The following NRG1 variants were observed in gnomAD, a reference collection of about 807,000 sequenced individuals.
NRG1 encodes pro-neuregulin-1, membrane-bound isoform.
In NRG1, 18 loss-of-function variants were observed where a neutral mutation model predicts 63.8. The observed-to-expected ratio is 0.28, with a 90% CI of 0.19 to 0.42. The LOEUF is 0.42. Ranked by LOEUF, NRG1 falls within the 10% of genes least tolerant of loss-of-function variation. The probability of loss-of-function intolerance (pLI) is 1.00; values close to 1 mark genes in which losing one functional copy is unlikely to be tolerated. For missense variants in NRG1, 762 were observed against 814.7 expected, an observed-to-expected ratio of 0.94 and a Z score of 0.79; for synonymous variants, 302 against 301.3, an observed-to-expected ratio of 1.00 and a Z score of -0.02.
At chr8:32,222,362 G>A (rs1298107629) in intron 1 of NRG1, among the ~76,000 whole-genome samples, 1 of 151,990 alleles carries the variant, frequency 6.6e-6, no homozygotes, top group Non-Finnish European at 1.5e-5. Context: ...ATGACACCAG[G>A]AAGAGTTATT....
At chr8:31,803,688 G>C (rs1009405780) in intron 1 of NRG1, among the ~76,000 whole-genome samples, 1 of 152,140 alleles carries the variant, frequency 6.6e-6, no homozygotes, top group African/African-American at 2.4e-5. Flanking sequence ...AGTATAATTT[G>C]ATCATTATTC....
At chr8:32,180,235 C>G (rs1356658062) in intron 1 of NRG1, among the ~76,000 whole-genome samples, 2 of 152,096 alleles carry the variant, frequency 1.3e-5, no homozygotes, top group African/African-American at 4.8e-5. Context: ...ATTCTCTACG[C>G]TTTGGCAGAC....
intron 1 of NRG1, among the ~76,000 whole-genome samples, chr8:31,723,903 T>A (rs1370322670): frequency 1.3e-5 from 2 of 152,114 alleles, no homozygotes; most frequent in Non-Finnish European, 2.9e-5. Flanking sequence ...TGTCATATAG[T>A]GGAGAAAACA....
rs115826942 is a variant in NRG1 at position 32,634,865 on chromosome 8, G to A, written c.502+17980G>A. Reference sequence around the variant, plus strand: ...AAAAAATGGCTTTTGAAGTTCAGATGGTTTGAATCTTTGCTTCACCACTTA... The same window carrying A: ...AAAAAATGGCTTTTGAAGTTCAGATAGTTTGAATCTTTGCTTCACCACTTA... On this transcript the variant is annotated intron_variant, in intron 5 of 11. Coordinates refer to ENST00000356819, the Ensembl canonical transcript of NRG1. 2.3e-3 allele frequency among the ~76,000 whole-genome samples: 343 copies of A among 152,228 alleles called. 3 individuals are homozygous for A. The highest frequency in any genetic ancestry group is 7.9e-3 in the African/African-American group (327 of 41,552).
chr8:31,993,505 G>A (rs1420406391), intron 1 of NRG1, among the ~76,000 whole-genome samples: 2 of 151,956 alleles, frequency 1.3e-5, no homozygotes, highest in Non-Finnish European at 2.9e-5. Flanking sequence ...AAGTAAATAA[G>A]TCTCATTAGA....
chr8:32,351,003 C>T (rs745415702), intron 1 of NRG1, among the ~76,000 whole-genome samples: 7 of 152,102 alleles, frequency 4.6e-5, no homozygotes, highest in Non-Finnish European at 8.8e-5. Flanking sequence ...TTTCCATTCC[C>T]ACCTCCCCTT....
intron 3 of NRG1, among the ~76,000 whole-genome samples, chr8:32,610,217 A>T (rs574827612): frequency 2.0e-5 from 3 of 152,120 alleles, no homozygotes; most frequent in Non-Finnish European, 2.9e-5. Context: ...GGTTGCTGCA[A>T]TCTAATTATC....
intron 1 of NRG1, among the ~76,000 whole-genome samples, chr8:32,249,966 T>A (rs1848934893): frequency 6.6e-6 from 1 of 152,076 alleles, no homozygotes; most frequent in African/African-American, 2.4e-5. Context: ...ATAAAAGTCA[T>A]GAAGAAGGGT....
At chr8:32,654,512 C>T (rs1050726995) in intron 5 of NRG1, among the ~76,000 whole-genome samples, 1 of 151,850 alleles carries the variant, frequency 6.6e-6, no homozygotes, top group African/African-American at 2.4e-5. Flanking sequence ...GCCTATAATC[C>T]CAGCTACTCG....
chr8:31,881,129 T>G (rs1213522821), intron 1 of NRG1, among the ~76,000 whole-genome samples: 12 of 152,220 alleles, frequency 7.9e-5, no homozygotes, highest in Non-Finnish European at 4.4e-5. Context: ...TTATTGCACT[T>G]TGCTTTATCA....
chr8:32,015,171 T>A (rs2130054853), intron 1 of NRG1, among the ~76,000 whole-genome samples: 1 of 152,194 alleles, frequency 6.6e-6, no homozygotes, highest in East Asian at 1.9e-4. Flanking sequence ...ATCGGTAAAT[T>A]AATTATTTCT....
chr8:32,312,246 C>T (rs1749453516), intron 1 of NRG1, among the ~76,000 whole-genome samples: 1 of 146,274 alleles, frequency 6.8e-6, no homozygotes, highest in African/African-American at 2.5e-5. Flanking sequence ...TCACTGCATC[C>T]TCCGCCTCCT....
intron 1 of NRG1, among the ~76,000 whole-genome samples, chr8:32,139,927 T>C (rs997842212): frequency 1.5e-4 from 23 of 152,224 alleles, no homozygotes; most frequent in East Asian, 1.2e-3. Context: ...GGTGACTGCT[T>C]AAGGTATTTA....
chr8:32,205,664 T>C (rs961786216), intron 1 of NRG1, among the ~76,000 whole-genome samples: 1 of 152,164 alleles, frequency 6.6e-6, no homozygotes, highest in Non-Finnish European at 1.5e-5. Flanking sequence ...CCTTTTTACT[T>C]TTCCTGAGGG....
At chr8:32,574,104 A>G (rs1382839177) in intron 1 of NRG1, among the ~76,000 whole-genome samples, 2 of 152,154 alleles carry the variant, frequency 1.3e-5, no homozygotes, top group Non-Finnish European at 2.9e-5. Context: ...ATAGTGCTGC[A>G]ATAAACATAC....
chr8:32,162,166 T>C (rs16878885), intron 1 of NRG1, among the ~76,000 whole-genome samples: 111,854 of 152,164 alleles, frequency 0.74, 41,965 homozygotes, highest in African/African-American at 0.82. Context: ...AATTGAGCTA[T>C]TCATGGCAAG....
chr8:32,230,423 GGCTACT>G (rs1846798646), intron 1 of NRG1, among the ~76,000 whole-genome samples: 1 of 152,104 alleles, frequency 6.6e-6, no homozygotes, highest in African/African-American at 2.4e-5. Context: ...GCACTTCTCA[GGCTACT>G]GCTCCTAAAA....
chr8:31,688,827 C>A (rs1809181364), intron 1 of NRG1, among the ~76,000 whole-genome samples: 1 of 152,170 alleles, frequency 6.6e-6, no homozygotes, highest in South Asian at 2.1e-4. Flanking sequence ...CAAATTATCA[C>A]ACATTTGGCT....
intron 1 of NRG1, among the ~76,000 whole-genome samples, chr8:32,022,447 G>C (rs1238743784): frequency 2.0e-5 from 3 of 152,032 alleles, no homozygotes; most frequent in African/African-American, 7.2e-5. Context: ...CATGCAAATA[G>C]ACCTGTAATG....
Sources: gnomAD v4.1 joint callset for allele counts (sites outside exome capture counted in the v4.1 genomes callset) on GRCh38, gnomAD v4.1.1 for gene constraint, MANE v1.5 for transcripts, NCBI Gene and HGNC (gene_info 2026-07-23, HGNC 2026-07-21) for gene names.